RBFOX1: variants seen among roughly 807,000 people sequenced by gnomAD.
RBFOX1 encodes RNA binding fox-1 homolog 1, also known as RNA binding protein fox-1 homolog 1.
A neutral mutation model predicts 57.7 loss-of-function variants in RBFOX1; 8 were observed. The ratio of observed to expected loss-of-function variants is 0.14; its 90% CI spans 0.08 to 0.25. RBFOX1 has a LOEUF of 0.25. Ranked by LOEUF, RBFOX1 falls within the 10% of genes least tolerant of loss-of-function variation. RBFOX1 has a pLI of 1.00. For missense variants in RBFOX1, 611 were observed against 548.5 expected, an observed-to-expected ratio of 1.11 and a Z score of -1.14; for synonymous variants, 326 against 222.4, an observed-to-expected ratio of 1.47 and a Z score of -4.15.
rs1372445922 is a variant in RBFOX1, at chr16:6,450,842, T to C, written c.-64+133785T>C. ...ACATATATATATATATATATGTGTATATATATATATATATATATATATATA... is the reference window on the plus strand; with the variant it reads ...ACATATATATATATATATATGTGTACATATATATATATATATATATATATA... On this transcript the variant is annotated intron_variant, in intron 2 of 15. Coordinates refer to ENST00000550418, the MANE Select transcript of RBFOX1 (RefSeq NM_018723.4). Among the ~76,000 whole-genome samples, 3 of 40,848 alleles carry C rather than the reference T, an allele frequency of 7.3e-5. 1 individual carries two copies. The highest frequency in any genetic ancestry group is 2.6e-4 in the African/African-American group (2 of 7,798). The allele number at this position is 40,848 out of a possible 152,430, so 26.8% of individuals were successfully genotyped here.
intron 3 of RBFOX1, among the ~76,000 whole-genome samples, chr16:6,928,990 G>A (rs1036357197): frequency 6.6e-6 from 1 of 152,144 alleles, no homozygotes; most frequent in Admixed American, 6.6e-5. Flanking sequence ...CACGGTGCAA[G>A]CGTCATTCAC....
At chr16:6,634,207 G>T (rs893096944) in intron 2 of RBFOX1, among the ~76,000 whole-genome samples, 1 of 152,114 alleles carries the variant, frequency 6.6e-6, no homozygotes, top group African/African-American at 2.4e-5. Flanking sequence ...GCCTTCTGTT[G>T]TGTGCTCATT....
intron 6 of RBFOX1, among the ~76,000 whole-genome samples, chr16:7,582,600 A>G (rs1197422324): frequency 6.6e-6 from 1 of 152,210 alleles, no homozygotes; most frequent in East Asian, 1.9e-4. Flanking sequence ...GGCTCCCTGC[A>G]CTGGAGCTTA....
chr16:7,580,873 C>T (rs1262896147), intron 6 of RBFOX1, among the ~76,000 whole-genome samples: 1 of 152,172 alleles, frequency 6.6e-6, no homozygotes, highest in South Asian at 2.1e-4. Context: ...GAACTACATC[C>T]TTAACATTTG....
intron 4 of RBFOX1, among the ~76,000 whole-genome samples, chr16:7,251,004 T>G (rs975358834): frequency 1.2e-5 from 1 of 86,846 alleles, no homozygotes; most frequent in Admixed American, 9.8e-5. Flanking sequence ...TGATATACAT[T>G]TTTGTAGTGA....
intron 3 of RBFOX1, among the ~76,000 whole-genome samples, chr16:6,793,672 G>T (rs996570243): frequency 3.9e-5 from 6 of 152,110 alleles, no homozygotes; most frequent in Non-Finnish European, 7.4e-5. Flanking sequence ...AACTTGCTCT[G>T]TAGGAAATGA....
At chr16:5,581,151 G>C (rs2046651642) in intron 2 of RBFOX1, among the ~76,000 whole-genome samples, 1 of 152,146 alleles carries the variant, frequency 6.6e-6, no homozygotes, top group Admixed American at 6.5e-5. Context: ...GGGCTTTCTT[G>C]GACTCCTATG....
At chr16:5,692,333 C>T (rs56915990) in intron 3 of RBFOX1, among the ~76,000 whole-genome samples, 1,841 of 152,162 alleles carry the variant, frequency 0.012, 32 homozygotes, top group African/African-American at 0.041. Flanking sequence ...TGCAGGCAGC[C>T]TCTAGGAGAT....
chr16:7,422,175 TGTGCTTGTGCGA>T (rs1380369633), intron 4 of RBFOX1, among the ~76,000 whole-genome samples: 14 of 152,142 alleles, frequency 9.2e-5, no homozygotes, highest in Non-Finnish European at 2.1e-4. Context: ...TGTGTGTGCG[TGTGCTTGTGCGA>T]GTGAGAAACA....
At chr16:6,747,486 GTCTA>G (rs1374637524) in intron 3 of RBFOX1, among the ~76,000 whole-genome samples, 2 of 139,098 alleles carry the variant, frequency 1.4e-5, no homozygotes, top group African/African-American at 2.6e-5. Context: ...TTATCTATCT[GTCTA>G]TCTGTCTTAC....
chr16:6,904,161 G>A (rs757822306), intron 3 of RBFOX1, among the ~76,000 whole-genome samples: 1 of 152,204 alleles, frequency 6.6e-6, no homozygotes, highest in Non-Finnish European at 1.5e-5. Flanking sequence ...AGAAATGAAA[G>A]CTCTGTGTCT....
chr16:5,271,277 C>A (rs903713286), intron 1 of RBFOX1, among the ~76,000 whole-genome samples: 3 of 152,120 alleles, frequency 2.0e-5, no homozygotes, highest in African/African-American at 7.2e-5. Flanking sequence ...TGGCTTGAGG[C>A]CAGGAGTAAT....
chr16:5,423,200 A>G (rs371182279), intron 1 of RBFOX1, among the ~76,000 whole-genome samples: 1 of 152,140 alleles, frequency 6.6e-6, no homozygotes, highest in African/African-American at 2.4e-5. Flanking sequence ...AGTCCCATGA[A>G]TATTTTCCTC....
At chr16:5,265,341 C>CA (rs1438739513) in intron 1 of RBFOX1, among the ~76,000 whole-genome samples, 3 of 131,714 alleles carry the variant, frequency 2.3e-5, no homozygotes, top group Non-Finnish European at 3.3e-5. Flanking sequence ...GTGGTAGAAC[C>CA]ACCTTTTACT....
chr16:6,857,194 G>A (rs529071638), intron 3 of RBFOX1, among the ~76,000 whole-genome samples: 1 of 152,200 alleles, frequency 6.6e-6, no homozygotes, highest in African/African-American at 2.4e-5. Flanking sequence ...GCTGATTTGG[G>A]ACTTTGGCTC....
rs542544221 is a variant in RBFOX1, at chr16:7,142,907, A to G, written c.27+90809A>G. 1.8e-4 allele frequency among the ~76,000 whole-genome samples: 19 copies of G among 106,162 alleles called. No homozygotes were observed. In the South Asian group the frequency reaches 7.7e-3, roughly 43 times the overall value. The allele number at this position is 106,162 out of a possible 152,430, so 69.6% of individuals were successfully genotyped here. ...TAATATCATCTGCAGACACATCTGC[A>G]GAGTATTTTTTTTTTTTCTGTGAGA... On this transcript the variant is annotated intron_variant, in intron 4 of 15. Coordinates refer to ENST00000550418, the MANE Select transcript of RBFOX1 (RefSeq NM_018723.4).
chr16:5,287,792 A>G (rs2063434276), intron 1 of RBFOX1, among the ~76,000 whole-genome samples: 1 of 152,336 alleles, frequency 6.6e-6, no homozygotes, highest in Non-Finnish European at 1.5e-5. Context: ...AGCTAGACAC[A>G]GGACTAAACC....
At chr16:6,642,076 G>A (rs996247399) in intron 2 of RBFOX1, among the ~76,000 whole-genome samples, 4 of 152,152 alleles carry the variant, frequency 2.6e-5, no homozygotes, top group African/African-American at 9.7e-5. Context: ...GTGCAGCTAC[G>A]GAGAGGGTAT....
chr16:5,765,970 T>C (rs1180721482), intron 3 of RBFOX1, among the ~76,000 whole-genome samples: 3 of 152,198 alleles, frequency 2.0e-5, no homozygotes, highest in Non-Finnish European at 4.4e-5. Flanking sequence ...CATCTTTGTC[T>C]CTGGGGTGCT....
Sources: allele counts gnomAD v4.1 joint callset (sites outside exome capture counted in the v4.1 genomes callset), GRCh38; gene constraint gnomAD v4.1.1; transcripts MANE v1.5; gene names NCBI Gene and HGNC (gene_info 2026-07-23, HGNC 2026-07-21).